REC114: variants seen among roughly 807,000 people sequenced by gnomAD.
REC114 encodes REC114 meiotic recombination protein.
REC114 carries 27 observed loss-of-function variants against 31.3 expected under a neutral mutation model. The ratio of observed to expected loss-of-function variants is 0.86; its 90% confidence interval spans 0.64 to 1.19. REC114 has a LOEUF of 1.19. REC114 is among the 50% of genes most tolerant of loss of function. The pLI is 0.00. For synonymous variants in REC114, 134 were observed against 127.7 expected, an observed-to-expected ratio of 1.05 and a Z score of -0.33; for missense variants, 344 against 326.9, an observed-to-expected ratio of 1.05 and a Z score of -0.40.
At chr15:73,462,651 C>T (rs538327748) in intron 1 of REC114, among the ~76,000 whole-genome samples, 2 of 152,094 alleles carry the variant, frequency 1.3e-5, no homozygotes, top group East Asian at 3.9e-4. Context: ...TTTGGGAGGC[C>T]GAGGCAGGCG....
intron 2 of REC114, among the ~76,000 whole-genome samples, 190 bp downstream of exon 2, chr15:73,474,111 G>A (rs1893176082): frequency 6.6e-6 from 1 of 152,206 alleles, no homozygotes; most frequent in Non-Finnish European, 1.5e-5. Context: ...CCCTAAAGGG[G>A]TTTAGGATTT....
At chr15:73,474,269 T>C (rs1177159188) in intron 2 of REC114, among the ~76,000 whole-genome samples, 1 of 152,102 alleles carries the variant, frequency 6.6e-6, no homozygotes, top group Non-Finnish European at 1.5e-5. Context: ...TGCAGAGGGA[T>C]AGATTTGCAG....
At chr15:73,514,299 G>A (rs1420326814) in intron 2 of REC114, among the ~76,000 whole-genome samples, 2 of 151,562 alleles carry the variant, frequency 1.3e-5, no homozygotes, top group African/African-American at 2.4e-5. Context: ...GCCCTGCTTC[G>A]GCTCGCGCAC....
chr15:73,446,965 G>T (rs1299321695), intron 1 of REC114, among the ~76,000 whole-genome samples: 1 of 152,212 alleles, frequency 6.6e-6, no homozygotes, highest in Non-Finnish European at 1.5e-5. Context: ...TTATAGGCAA[G>T]AGATGATGAT....
chr15:73,541,712 C>T (rs1295805733), intron 3 of REC114, among the ~76,000 whole-genome samples: 3 of 152,158 alleles, frequency 2.0e-5, no homozygotes, highest in Non-Finnish European at 2.9e-5. Flanking sequence ...TATCAGAGAA[C>T]CAGGCTGCCC....
At chr15:73,444,249 C>T (rs993547371) in intron 1 of REC114, among the ~76,000 whole-genome samples, 4 of 152,118 alleles carry the variant, frequency 2.6e-5, no homozygotes, top group Admixed American at 2.0e-4. Flanking sequence ...ACATGGATTG[C>T]CTCTAACTTT....
At chr15:73,449,835 G>A (rs902978993) in intron 1 of REC114, among the ~76,000 whole-genome samples, 4 of 152,126 alleles carry the variant, frequency 2.6e-5, no homozygotes, top group African/African-American at 7.2e-5. Flanking sequence ...GAAAGTGAGG[G>A]CCAGTATTCA....
rs575108027 is a variant in REC114 at position 73,497,783 on chromosome 15, A to T, written c.249+23862A>T. 2.6e-5 allele frequency among the ~76,000 whole-genome samples: 4 copies of T among 152,286 alleles called. No individual in the cohort carries two copies. In the South Asian group the frequency reaches 8.3e-4, roughly 32 times the overall value. On this transcript the variant is annotated intron_variant, in intron 2 of 5. Coordinates refer to ENST00000331090, the MANE Select transcript of REC114 (RefSeq NM_001042367.2). The stretch of plus-strand genomic sequence containing the variant: ...ATTAATTCTTTTAGAGTGTCCACTT[A>T]TTTCTATAGGGAGGCCCAAGAATGA...
intron 4 of REC114, among the ~76,000 whole-genome samples, chr15:73,555,975 C>T (rs1894460912): frequency 6.6e-6 from 1 of 152,158 alleles, no homozygotes; most frequent in African/African-American, 2.4e-5. Flanking sequence ...GCCCACCCTC[C>T]AGCACCTGGT....
At chr15:73,496,863 C>A (rs1893536061) in intron 2 of REC114, among the ~76,000 whole-genome samples, 1 of 151,798 alleles carries the variant, frequency 6.6e-6, no homozygotes, top group Non-Finnish European at 1.5e-5. Context: ...ACCTAGGATT[C>A]CACGTTGCAT....
At chr15:73,543,271 A>G (rs1894264111) in intron 3 of REC114, among the ~76,000 whole-genome samples, 1 of 152,070 alleles carries the variant, frequency 6.6e-6, no homozygotes, top group Non-Finnish European at 1.5e-5. Flanking sequence ...TATATACTGT[A>G]TGCACAGACT....
intron 2 of REC114, among the ~76,000 whole-genome samples, chr15:73,478,206 G>A (rs1280453544): frequency 1.4e-5 from 2 of 141,806 alleles, no homozygotes; most frequent in African/African-American, 5.4e-5. Flanking sequence ...AGAGGTTGCA[G>A]TGACCCGACA....
chr15:73,551,354 TG>T (rs1894390337), intron 4 of REC114, among the ~76,000 whole-genome samples: 1 of 152,218 alleles, frequency 6.6e-6, no homozygotes, highest in African/African-American at 2.4e-5. Context: ...AGCTGCATTC[TG>T]GGTGTCACTA....
At chr15:73,549,999 A>G in intron 3 of REC114, among the ~76,000 whole-genome samples, 1 of 152,212 alleles carries the variant, frequency 6.6e-6, no homozygotes, top group Non-Finnish European at 1.5e-5. Flanking sequence ...GAGTGTTTTC[A>G]AGGAAGCAAC....
Position 73,443,216 on chromosome 15 carries a change from C to G in REC114, c.31C>G (p.Leu11Val), listed in dbSNP as rs1274587754. The change falls in exon 1 of 6, where the codon CTC becomes GTC. Residue 11 changes from leucine to valine, a missense_variant. Leu to Val is a conservative substitution (Grantham distance 32). Coordinates refer to ENST00000331090, the MANE Select transcript of REC114 (RefSeq NM_001042367.2). MAEAGKVPLSLGLTGGEAAEW... is the reference protein window; with the variant it reads MAEAGKVPLSVGLTGGEAAEW... ...GGAGGCAGGAAAAGTGCCCTTGAGC[C>G]TCGGGCTTACCGGAGGAGAAGCGGC... is the stretch of plus-strand genomic sequence containing the variant. 1 of 1,575,596 alleles carries G rather than the reference C, an allele frequency of 6.3e-7. No individual in the cohort carries two copies. Among genetic ancestry groups the G allele is most frequent in the African/African-American group, 1.3e-5 (1 of 74,186 alleles).
At chr15:73,469,987 T>C (rs1001692520) in intron 1 of REC114, among the ~76,000 whole-genome samples, 3 of 152,242 alleles carry the variant, frequency 2.0e-5, no homozygotes, top group Non-Finnish European at 2.9e-5. Flanking sequence ...ATATTTTTTC[T>C]ATCCTTTTGT....
At position 73,503,860 on chromosome 15, in the gene REC114, T is replaced by A. The variant is rs375907819; in HGVS notation, c.249+29939T>A. The stretch of plus-strand genomic sequence containing the variant: ...CTTTGCCAATTACACAGGTTGTAAA[T>A]CTTTTTTCCCAGTCTGTTATTGGCT... On this transcript the variant is annotated intron_variant, in intron 2 of 5. Transcript: ENST00000331090. Among the ~76,000 whole-genome samples the A allele has an allele frequency of 2.6e-5, 4 of 152,246 alleles. No homozygotes were observed. In the East Asian group the frequency reaches 5.8e-4, roughly 22 times the overall value.
At chr15:73,474,042 A>G in intron 2 of REC114, 121 bp downstream of exon 2, 1 of 695,810 alleles carries the variant, frequency 1.4e-6, no homozygotes, top group Non-Finnish European at 2.5e-6. Context: ...CAACACATTA[A>G]GCATTTATCG....
chr15:73,536,759 C>T (rs911008350), intron 2 of REC114, among the ~76,000 whole-genome samples: 1 of 152,098 alleles, frequency 6.6e-6, no homozygotes, highest in Non-Finnish European at 1.5e-5. Context: ...TAGCATAAGT[C>T]AAATAAAAGT....
Sources: gnomAD v4.1 joint callset for allele counts (sites outside exome capture counted in the v4.1 genomes callset) on GRCh38, gnomAD v4.1.1 for gene constraint, MANE v1.5 for transcripts, NCBI Gene and HGNC (gene_info 2026-07-23, HGNC 2026-07-21) for gene names.